HACD3: variants seen among roughly 807,000 people sequenced by gnomAD.
HACD3 encodes the protein 3-hydroxyacyl-CoA dehydratase 3, also known as very-long-chain (3R)-3-hydroxyacyl-CoA dehydratase 3.
HACD3 carries 30 observed loss-of-function variants against 55.2 expected under a neutral mutation model. The observed-to-expected ratio is 0.54, with a 90% CI of 0.41 to 0.74. HACD3 has a LOEUF of 0.74. Ranked by LOEUF, HACD3 falls within the 30% of genes least tolerant of loss-of-function variation. HACD3 has a pLI of 0.00. For synonymous variants in HACD3, 141 were observed against 151.7 expected (o/e 0.93, Z 0.52); for missense variants, 363 against 440.1 (o/e 0.82, Z 1.57).
intron 1 of HACD3, among the ~76,000 whole-genome samples, chr15:65,533,744 TAA>T (rs11383716): frequency 2.1e-5 from 3 of 141,168 alleles, no homozygotes; most frequent in Non-Finnish European, 3.1e-5. Context: ...ATTTGTTATT[TAA>T]AAAAAAAAAA....
In HACD3 at chr15:65,578,164, T is replaced by G. The variant is rs943174248; in HGVS notation, c.*1785T>G. ...GCATGTCTGTAACACCTGTCAATAC[T>G]TGTTTGTATTGATTTCTGATATTCT... On this transcript the variant is annotated 3_prime_UTR_variant, in exon 11 of 11. Coordinates refer to ENST00000261875, the MANE Select transcript of HACD3 (RefSeq NM_016395.4). 2.0e-5 allele frequency: 3 copies of G among 152,234 alleles called. No individual in the cohort carries two copies. Among genetic ancestry groups the G allele is most frequent in the Non-Finnish European group, 4.4e-5 (3 of 68,046 alleles). 9.4% of individuals were successfully genotyped at this position (152,234 alleles called of 1,614,324 possible). A position where few individuals can be genotyped will look rare whatever the true frequency, so the allele number is the denominator to read the frequency against.
chr15:65,532,545 T>C (rs577722289), intron 1 of HACD3, among the ~76,000 whole-genome samples: 97 of 151,864 alleles, frequency 6.4e-4, no homozygotes, highest in African/African-American at 2.3e-3. Context: ...GGCAGGAGAA[T>C]TGCTTGAACC....
chr15:65,558,725 C>T lies in HACD3; in HGVS notation c.415C>T (p.Pro139Ser). 6.2e-7 allele frequency: 1 copy of T among 1,601,098 alleles called. No homozygotes were observed. Among genetic ancestry groups the T allele is most frequent in the Non-Finnish European group, 8.5e-7 (1 of 1,173,602 alleles). ...NKLRLESEGSPETLTNLRKGY... is the reference protein window; with the variant it reads ...NKLRLESEGSSETLTNLRKGY... ...ACTCCGACTGGAAAGCGAAGGCTCT[C>T]CTGAAAGTAAGTTGTGCTGCTGCCA... Residue 139 changes from proline to serine, a missense_variant, in exon 5 of 11, where the codon CCT becomes TCT. By Grantham distance (74) the Pro-to-Ser change is moderately conservative. Transcript: ENST00000261875.
rs752900123 is a variant in HACD3, at chr15:65,564,286, A to G, written c.604A>G (p.Thr202Ala). The change falls in exon 7 of 11, where the codon ACT becomes GCT. Residue 202 changes from threonine (T) to alanine (A), a missense_variant. Transcript: ENST00000261875. ...CTGCCAGATGCTGGCAGTTGTGGAA[A>G]CTATCAATGCAGCAATTGGAGTCAC... The part of the protein sequence containing the change: ...YFCQMLAVVE[T>A]INAAIGVTTS... 3 of 1,613,936 alleles carry G rather than the reference A, an allele frequency of 1.9e-6. No individual in the cohort carries two copies. Among genetic ancestry groups the G allele is most frequent in the East Asian group, 4.5e-5 (2 of 44,888 alleles).
chr15:65,532,374 C>G (rs557042148), intron 1 of HACD3, among the ~76,000 whole-genome samples: 3 of 152,286 alleles, frequency 2.0e-5, no homozygotes, highest in Non-Finnish European at 2.9e-5. Flanking sequence ...GCCTGTAATG[C>G]CAACACTTTG....
intron 5 of HACD3, among the ~76,000 whole-genome samples, chr15:65,561,335 G>A (rs111250743): frequency 0.018 from 2,716 of 152,144 alleles, 43 homozygotes; most frequent in Non-Finnish European, 0.026. Context: ...GCGTGGTGGC[G>A]GAAGCCTGTA....
chr15:65,564,070 TAGTTA>T, intron 6 of HACD3, 140 bp from the exon 7 acceptor site: 1 of 1,021,742 alleles, frequency 9.8e-7, no homozygotes, highest in Non-Finnish European at 1.5e-6. Context: ...CCTTCCTGCT[TAGTTA>T]AGTAAGAAAC....
chr15:65,561,716 G>A (rs1046417943), intron 5 of HACD3, among the ~76,000 whole-genome samples: 3 of 152,100 alleles, frequency 2.0e-5, no homozygotes, highest in Non-Finnish European at 2.9e-5. Flanking sequence ...ACACCAGCTG[G>A]GTGCCCTCTG....
At chr15:65,563,666 C>T (rs1271225026) in intron 6 of HACD3, among the ~76,000 whole-genome samples, 3 of 151,932 alleles carry the variant, frequency 2.0e-5, no homozygotes, top group African/African-American at 7.3e-5. Flanking sequence ...AAGACCTTGA[C>T]TCTTAAAAAA....
intron 6 of HACD3, 90 bp downstream of exon 6, chr15:65,562,974 A>G (rs2072258284): frequency 1.3e-6 from 2 of 1,540,044 alleles, no homozygotes; most frequent in African/African-American, 2.7e-5. Flanking sequence ...TTTGATGTTA[A>G]TAATAACCCC....
At chr15:65,538,128 C>T (rs912801871) in intron 1 of HACD3, among the ~76,000 whole-genome samples, 3 of 151,684 alleles carry the variant, frequency 2.0e-5, no homozygotes, top group Non-Finnish European at 4.4e-5. Context: ...TTTTGCAGCC[C>T]ATGGATCAAG....
chr15:65,535,912 A>G (rs2071950164), intron 1 of HACD3: 1 of 450,080 alleles, frequency 2.2e-6, no homozygotes, highest in African/African-American at 2.0e-5. Flanking sequence ...CTGGTCTTGA[A>G]CTCCTGGACT....
At chr15:65,564,024 G>A (rs1316257538) in intron 6 of HACD3, among the ~76,000 whole-genome samples, 191 bp from the exon 7 acceptor site, 1 of 152,012 alleles carries the variant, frequency 6.6e-6, no homozygotes, top group Non-Finnish European at 1.5e-5. Context: ...CTGGTAACTG[G>A]TAGAGCTTAC....
rs368741147 is a variant in HACD3 at position 65,534,671 on chromosome 15, G to C, written c.87+3953G>C. On this transcript the variant is annotated intron_variant, in intron 1 of 10. Coordinates refer to ENST00000261875, the MANE Select transcript of HACD3 (RefSeq NM_016395.4). ...TACCTAACAGAGTCTGGTGGAAAGA[G>C]TGCTAACTGAACACATGAGATTGGG... 4.6e-5 allele frequency among the ~76,000 whole-genome samples: 7 copies of C among 152,322 alleles called. 1 individual carries two copies. The highest frequency in any genetic ancestry group is 1.4e-4 in the African/African-American group (6 of 41,560).
intron 1 of HACD3, among the ~76,000 whole-genome samples, chr15:65,540,393 A>G (rs2072008684): frequency 6.6e-6 from 1 of 152,238 alleles, no homozygotes; most frequent in African/African-American, 2.4e-5. Context: ...TATGAGGGAA[A>G]TAAAGAGGGT....
intron 7 of HACD3, among the ~76,000 whole-genome samples, chr15:65,569,760 G>A (rs939462602): frequency 1.3e-5 from 2 of 152,180 alleles, no homozygotes; most frequent in Admixed American, 1.3e-4. Context: ...GTTATTTATA[G>A]GGGTCCCACG....
intron 1 of HACD3, 55 bp downstream of exon 1, chr15:65,530,773 G>T: frequency 6.8e-7 from 1 of 1,473,538 alleles, no homozygotes; most frequent in South Asian, 1.3e-5. Flanking sequence ...CCGGGTACCC[G>T]CCAGGACCCC....
At chr15:65,568,483 C>T (rs796637958) in intron 7 of HACD3, among the ~76,000 whole-genome samples, 5 of 151,884 alleles carry the variant, frequency 3.3e-5, no homozygotes, top group South Asian at 4.2e-4. Flanking sequence ...CTCAGCCTCC[C>T]GAGTAGCTGG....
At chr15:65,541,938 A>G (rs575477144) in intron 1 of HACD3, among the ~76,000 whole-genome samples, 1 of 152,292 alleles carries the variant, frequency 6.6e-6, no homozygotes, top group East Asian at 1.9e-4. Context: ...GAAAATAAGA[A>G]TATCTGTTTT....
Sources: allele counts gnomAD v4.1 joint callset (sites outside exome capture counted in the v4.1 genomes callset), GRCh38; gene constraint gnomAD v4.1.1; transcripts MANE v1.5; gene names NCBI Gene and HGNC (gene_info 2026-07-23, HGNC 2026-07-21).